FGF12: variants seen among roughly 807,000 people sequenced by gnomAD.
FGF12 encodes fibroblast growth factor 12B.
FGF12 carries 14 observed loss-of-function variants against 23.6 expected under a neutral mutation model. The ratio of observed to expected loss-of-function variants is 0.59; its 90% CI spans 0.39 to 0.93. The LOEUF (loss-of-function observed/expected upper bound fraction) is 0.93, where lower values mean the gene tolerates loss of function less well. Among genes scored for constraint, FGF12 ranks in the 40% least tolerant of loss-of-function variants. The pLI, the probability that FGF12 is intolerant of heterozygous loss-of-function variation, is 0.00. For synonymous variants in FGF12, 62 were observed against 77.3 expected (o/e 0.80, Z 1.04); for missense variants, 175 against 217.8 (o/e 0.80, Z 1.24).
chr3:192,472,841 C>A (rs1723212036), intron 2 of FGF12, among the ~76,000 whole-genome samples: 1 of 152,144 alleles, frequency 6.6e-6, no homozygotes, highest in Non-Finnish European at 1.5e-5. Context: ...TCCATGATTT[C>A]GAGTTTGTAC....
intron 4 of FGF12, among the ~76,000 whole-genome samples, chr3:192,170,990 C>T (rs780333238): frequency 1.3e-5 from 2 of 152,120 alleles, no homozygotes; most frequent in African/African-American, 4.8e-5. Flanking sequence ...ATTTACTCAC[C>T]CTTAACATGT....
At chr3:192,154,543 T>G (rs1224400609) in intron 5 of FGF12, among the ~76,000 whole-genome samples, 1 of 151,186 alleles carries the variant, frequency 6.6e-6, no homozygotes, top group Non-Finnish European at 1.5e-5. Context: ...GACAGGACCC[T>G]CAGCTGCAGG....
intron 5 of FGF12, among the ~76,000 whole-genome samples, chr3:192,158,675 T>TCTCTCC (rs1714691631): frequency 1.6e-5 from 1 of 63,614 alleles, no homozygotes; most frequent in Non-Finnish European, 2.6e-5. Flanking sequence ...CCTCCCTCCC[T>TCTCTCC]CTCTCTCTCT....
intron 3 of FGF12, among the ~76,000 whole-genome samples, chr3:192,359,799 C>T (rs904358186): frequency 2.0e-5 from 3 of 151,534 alleles, no homozygotes; most frequent in African/African-American, 7.3e-5. Flanking sequence ...ATTTCCCCCC[C>T]CAAAATTTTT....
intron 2 of FGF12, among the ~76,000 whole-genome samples, chr3:192,723,978 G>A (rs1295571103): frequency 8.3e-6 from 1 of 119,958 alleles, no homozygotes; most frequent in African/African-American, 3.2e-5. Flanking sequence ...GGGGAGGGGA[G>A]GAGAGGAAGG....
intron 4 of FGF12, among the ~76,000 whole-genome samples, chr3:192,333,824 A>T (rs923637893): frequency 1.3e-4 from 20 of 152,138 alleles, no homozygotes; most frequent in African/African-American, 4.3e-4. Context: ...GGGGAGAATT[A>T]CAGGGTGATT....
chr3:192,294,259 G>C (rs1714915373), intron 4 of FGF12, among the ~76,000 whole-genome samples: 1 of 152,020 alleles, frequency 6.6e-6, no homozygotes, highest in African/African-American at 2.4e-5. Context: ...TATCAGCAGT[G>C]TGAAACAGAC....
At chr3:192,249,317 A>G (rs1246964210) in intron 4 of FGF12, among the ~76,000 whole-genome samples, 1 of 152,222 alleles carries the variant, frequency 6.6e-6, no homozygotes, top group East Asian at 1.9e-4. Flanking sequence ...TACATATACA[A>G]TACTGCATGC....
chr3:192,512,835 A>AATAAATATATATATATAT (rs35779279), intron 2 of FGF12, among the ~76,000 whole-genome samples: 6 of 76,770 alleles, frequency 7.8e-5, no homozygotes, highest in East Asian at 5.7e-4. Context: ...TACTCAAATA[A>AATAAATATATATATATAT]ATATATATAT....
intron 2 of FGF12, among the ~76,000 whole-genome samples, chr3:192,638,353 T>G (rs1469678066): frequency 2.0e-5 from 3 of 152,344 alleles, no homozygotes; most frequent in Non-Finnish European, 4.4e-5. Flanking sequence ...GGAAAAAGAT[T>G]CTTTCTTTTG....
chr3:192,366,218 G>C (rs1404636457), intron 2 of FGF12, among the ~76,000 whole-genome samples: 1 of 152,076 alleles, frequency 6.6e-6, no homozygotes, highest in East Asian at 1.9e-4. Context: ...ATCTAGCTGT[G>C]AATCAGTTAT....
At chr3:192,601,495 C>T (rs73064324) in intron 2 of FGF12, among the ~76,000 whole-genome samples, 8,989 of 151,960 alleles carry the variant, frequency 0.059, 747 homozygotes, top group African/African-American at 0.19. Context: ...TCTTAATTAC[C>T]CTTCTCTGAT....
intron 2 of FGF12, among the ~76,000 whole-genome samples, chr3:192,619,016 A>G (rs114106584): frequency 2.0e-5 from 3 of 151,918 alleles, no homozygotes; most frequent in South Asian, 4.1e-4. Flanking sequence ...TATAATATAT[A>G]TGTAATATAT....
intron 4 of FGF12, among the ~76,000 whole-genome samples, chr3:192,254,249 C>T (rs1712225974): frequency 6.6e-6 from 1 of 151,780 alleles, no homozygotes; most frequent in Admixed American, 6.6e-5. Flanking sequence ...TTAGACTCCG[C>T]ATATAGATGA....
chr3:192,635,441 C>T (rs1399461109), intron 2 of FGF12, among the ~76,000 whole-genome samples: 1 of 152,170 alleles, frequency 6.6e-6, no homozygotes, highest in Non-Finnish European at 1.5e-5. Flanking sequence ...GCATATATCA[C>T]AGAGAATTAC....
intron 2 of FGF12, among the ~76,000 whole-genome samples, chr3:192,523,761 C>T (rs139370524): frequency 1.3e-5 from 2 of 152,264 alleles, no homozygotes; most frequent in East Asian, 3.9e-4. Flanking sequence ...CTCACTATCT[C>T]ATAGGGATGG....
chr3:192,484,315 TAAAAAAAAAAA>T (rs57914760), intron 2 of FGF12, among the ~76,000 whole-genome samples: 2 of 99,668 alleles, frequency 2.0e-5, no homozygotes, highest in Non-Finnish European at 4.7e-5. Flanking sequence ...TCCATTTTCC[TAAAAAAAAAAA>T]AAAAAAAAAA....
intron 2 of FGF12, among the ~76,000 whole-genome samples, chr3:192,368,040 A>ATTCTTCT (rs1719061769): frequency 6.6e-6 from 1 of 152,206 alleles, no homozygotes; most frequent in East Asian, 1.9e-4. Flanking sequence ...TGTGACAGTT[A>ATTCTTCT]TTCTTCTGGG....
chr3:192,683,200 G>A (rs976177825), intron 2 of FGF12, among the ~76,000 whole-genome samples: 9 of 152,304 alleles, frequency 5.9e-5, no homozygotes, highest in Admixed American at 3.9e-4. Context: ...CAAGGAACCC[G>A]AACTGGCAGC....
Sources: gnomAD v4.1 joint callset for allele counts (sites outside exome capture counted in the v4.1 genomes callset) on GRCh38, gnomAD v4.1.1 for gene constraint, MANE v1.5 for transcripts, NCBI Gene and HGNC (gene_info 2026-07-23, HGNC 2026-07-21) for gene names.